The following SLC8A1 variants were observed in gnomAD, a reference collection of about 807,000 sequenced individuals.
The protein encoded by SLC8A1 is solute carrier family 8 member A1, also known as sodium/calcium exchanger 1.
A neutral mutation model predicts 68.3 loss-of-function variants in SLC8A1; 18 were observed. The observed-to-expected ratio is 0.26, with a 90% CI of 0.18 to 0.39. The LOEUF (loss-of-function observed/expected upper bound fraction) is 0.39. Among genes scored for constraint, SLC8A1 ranks in the 10% least tolerant of loss-of-function variants. The pLI, the probability that SLC8A1 is intolerant of heterozygous loss-of-function variation, is 1.00. For missense variants in SLC8A1, 985 were observed against 1,156.7 expected (o/e 0.85, Z 2.15); for synonymous variants, 475 against 415.5 (o/e 1.14, Z -1.74).
chr2:40,510,691 T>C (rs982791486), intron 1 of SLC8A1, among the ~76,000 whole-genome samples: 2 of 152,178 alleles, frequency 1.3e-5, no homozygotes, highest in African/African-American at 4.8e-5. Flanking sequence ...AGGCATAGTT[T>C]ATTCTCTCTC....
chr2:40,129,974 G>A (rs558943645), intron 7 of SLC8A1, among the ~76,000 whole-genome samples: 2 of 152,308 alleles, frequency 1.3e-5, no homozygotes, highest in East Asian at 1.9e-4. Context: ...GAGCATCCCT[G>A]CTCCCTGGAC....
At chr2:40,388,970 G>A (rs546325297) in intron 2 of SLC8A1, among the ~76,000 whole-genome samples, 1 of 152,076 alleles carries the variant, frequency 6.6e-6, no homozygotes, top group South Asian at 2.1e-4. Flanking sequence ...TAAAGTTTAG[G>A]AAACGTAAGT....
intron 2 of SLC8A1, among the ~76,000 whole-genome samples, chr2:40,398,944 TTATC>T (rs1687847922): frequency 6.6e-6 from 1 of 152,154 alleles, no homozygotes; most frequent in South Asian, 2.1e-4. Flanking sequence ...ATCTCTCTAT[TTATC>T]TATCATCTAT....
At chr2:40,406,196 C>T (rs929944061) in intron 2 of SLC8A1, among the ~76,000 whole-genome samples, 14 of 152,168 alleles carry the variant, frequency 9.2e-5, no homozygotes, top group African/African-American at 3.1e-4. Context: ...AAAATTTAAA[C>T]ATATATGCCA....
At chr2:40,442,040 C>T (rs925134620) in intron 1 of SLC8A1, among the ~76,000 whole-genome samples, 1 of 105,594 alleles carries the variant, frequency 9.5e-6, no homozygotes, top group African/African-American at 4.0e-5. Context: ...AATAGTGCCG[C>T]AATAGTGGTG....
chr2:40,431,202 C>T (rs974503389), intron 1 of SLC8A1, among the ~76,000 whole-genome samples: 10 of 151,444 alleles, frequency 6.6e-5, no homozygotes, highest in South Asian at 2.1e-4. Flanking sequence ...TGTGGGTAAG[C>T]GCCTGGCAGG....
At chr2:40,306,761 G>T (rs914902351) in intron 2 of SLC8A1, among the ~76,000 whole-genome samples, 1 of 152,156 alleles carries the variant, frequency 6.6e-6, no homozygotes, top group African/African-American at 2.4e-5. Context: ...CTGAAGTCAA[G>T]GCCAGGCTCC....
chr2:40,187,687 T>C (rs149051222), intron 2 of SLC8A1, among the ~76,000 whole-genome samples: 2 of 152,294 alleles, frequency 1.3e-5, no homozygotes, highest in East Asian at 1.9e-4. Flanking sequence ...AAAACAAATA[T>C]ATGAGCTACT....
chr2:40,494,898 C>G (rs1350265403), intron 1 of SLC8A1, among the ~76,000 whole-genome samples: 2 of 151,188 alleles, frequency 1.3e-5, no homozygotes, highest in Non-Finnish European at 2.9e-5. Flanking sequence ...GCTTTCTCAT[C>G]TACTCTCTTA....
chr2:40,509,942 C>G (rs1349038401), intron 1 of SLC8A1, among the ~76,000 whole-genome samples: 5 of 152,072 alleles, frequency 3.3e-5, no homozygotes, highest in African/African-American at 9.7e-5. Context: ...ATTCTCCTGC[C>G]TCAGCCTCCC....
At chr2:40,498,117 A>G (rs1254535818) in intron 1 of SLC8A1, among the ~76,000 whole-genome samples, 1 of 152,074 alleles carries the variant, frequency 6.6e-6, no homozygotes, top group Non-Finnish European at 1.5e-5. Flanking sequence ...AGTTAGATAA[A>G]TCAGAAAGGT....
chr2:40,108,395 T>G (rs2034354106), exon 8 of SLC8A1: 1 of 152,232 alleles, frequency 6.6e-6, no homozygotes, highest in Admixed American at 6.5e-5. Flanking sequence ...AACTGGGATT[T>G]ATTTCACTTA....
chr2:40,269,987 T>G (rs1424170665), intron 2 of SLC8A1, among the ~76,000 whole-genome samples: 1 of 152,162 alleles, frequency 6.6e-6, no homozygotes, highest in Non-Finnish European at 1.5e-5. Flanking sequence ...GAGATCCTGA[T>G]AGCTCCTTAA....
At chr2:40,350,228 T>C (rs1021024946) in intron 2 of SLC8A1, among the ~76,000 whole-genome samples, 2 of 152,130 alleles carry the variant, frequency 1.3e-5, no homozygotes, top group African/African-American at 4.8e-5. Context: ...ATGCCTACAA[T>C]CCCAGCACTT....
In SLC8A1 at chr2:40,347,585, T is replaced by C. The variant is rs1669751558; in HGVS notation, c.1808+80888A>G. Among the ~76,000 whole-genome samples, 2 of 152,202 alleles carry C rather than the reference T, an allele frequency of 1.3e-5. 1 individual carries two copies. Among genetic ancestry groups the C allele is most frequent in the Admixed American group, 1.3e-4 (2 of 15,268 alleles). On this transcript the variant is annotated intron_variant, in intron 2 of 7. Transcript: ENST00000406785. ...ACCCATTTTACAGAGGTGTTGGGAA[T>C]ATTCCATGAGAAAATCCATGATTTA...
chr2:40,256,402 T>C (rs1022729533), intron 2 of SLC8A1, among the ~76,000 whole-genome samples: 23 of 152,244 alleles, frequency 1.5e-4, no homozygotes, highest in Non-Finnish European at 2.9e-5. Flanking sequence ...ATCATTATGA[T>C]GTATACATAT....
chr2:40,500,794 A>G (rs1489050365), intron 1 of SLC8A1, among the ~76,000 whole-genome samples: 1 of 46,026 alleles, frequency 2.2e-5, no homozygotes, highest in Admixed American at 2.9e-4. Flanking sequence ...TTATCATCTG[A>G]CTTTTTTTTT....
intron 2 of SLC8A1, among the ~76,000 whole-genome samples, chr2:40,286,828 T>C (rs1182944929): frequency 2.0e-5 from 3 of 152,222 alleles, no homozygotes; most frequent in Admixed American, 1.3e-4. Flanking sequence ...GTCTTATACA[T>C]CACATGTGCT....
At chr2:40,482,120 TAAC>T (rs529562514) in intron 1 of SLC8A1, among the ~76,000 whole-genome samples, 248 of 152,300 alleles carry the variant, frequency 1.6e-3, no homozygotes, top group Middle Eastern at 0.01. Context: ...TTGATCCTCT[TAAC>T]AAACTTTTAA....
Sources: gnomAD v4.1 joint callset for allele counts (sites outside exome capture counted in the v4.1 genomes callset) on GRCh38, gnomAD v4.1.1 for gene constraint, MANE v1.5 for transcripts, NCBI Gene and HGNC (gene_info 2026-07-23, HGNC 2026-07-21) for gene names.